The following PPP2R1B variants were observed in gnomAD, a reference collection of about 807,000 sequenced individuals.
PPP2R1B encodes protein phosphatase 2 scaffold subunit Abeta.
PPP2R1B carries 58 observed loss-of-function variants against 72.7 expected under a neutral mutation model. That is an observed-to-expected ratio of 0.80 (90% CI 0.65 to 0.99). PPP2R1B has a LOEUF of 0.99. Ranked by LOEUF, PPP2R1B falls within the 50% of genes least tolerant of loss-of-function variation. The pLI, the probability that PPP2R1B is intolerant of heterozygous loss-of-function variation, is 0.00. For synonymous variants in PPP2R1B, 256 were observed against 264.6 expected (o/e 0.97, Z 0.32); for missense variants, 695 against 733.6 (o/e 0.95, Z 0.61).
Position 111,739,453 on chromosome 11 carries a change from A to C in PPP2R1B, c.*2143T>G, listed in dbSNP as rs1944446676. On this transcript the variant is annotated 3_prime_UTR_variant, in exon 15 of 15. Coordinates refer to ENST00000527614, the MANE Select transcript of PPP2R1B (RefSeq NM_002716.5). ...AAACAAATTCTCTCTCTATTGCTTA[A>C]GTCAGAAGGAAACAATGAAACCCCT... 7 of 985,324 alleles carry C rather than the reference A, an allele frequency of 7.1e-6. No homozygotes were observed. Among genetic ancestry groups the C allele is most frequent in the Non-Finnish European group, 8.4e-6 (7 of 829,938 alleles). The allele number at this position is 985,324 out of a possible 1,614,324, so 61.0% of individuals were successfully genotyped here. A position where few individuals can be genotyped will look rare whatever the true frequency, so the allele number is the denominator to read the frequency against.
At chr11:111,715,241 A>G in the PPP2R1B span, among the ~76,000 whole-genome samples, 1 of 152,198 alleles carries the variant, frequency 6.6e-6, no homozygotes, top group African/African-American at 2.4e-5. Context: ...CGTTTTATTT[A>G]TGTCAGCAAA....
At position 111,752,306 on chromosome 11, in the gene PPP2R1B, G is replaced by A. The variant is rs1159739688; in HGVS notation, c.1191C>T (p.Ile397=). 1 of 1,612,754 alleles carries A rather than the reference G, an allele frequency of 6.2e-7. No individual in the cohort carries two copies. The highest frequency in any genetic ancestry group is 8.5e-7 in the Non-Finnish European group (1 of 1,179,556). ...CTTCATTTACACAATCCAAATTGGA[G>A]ATGATATTCAAACGAACGTCAGGAC... The part of the protein sequence containing the change: ...DECPDVRLNI[I]SNLDCVNEVI... Residue 397 remains isoleucine (I), a synonymous_variant, in exon 10 of 15, where the codon ATC becomes ATT. Transcript: ENST00000527614.
intron 15 of PPP2R1B, among the ~76,000 whole-genome samples, chr11:111,731,943 G>T (rs1187981927): frequency 6.6e-6 from 1 of 151,900 alleles, no homozygotes; most frequent in Non-Finnish European, 1.5e-5. Flanking sequence ...CAGGACGCAG[G>T]CAAAATAACA....
At chr11:111,712,189 T>A in the PPP2R1B span, 1 of 1,610,472 alleles carries the variant, frequency 6.2e-7, no homozygotes, top group African/African-American at 1.3e-5. Flanking sequence ...TCCCAAACTG[T>A]CTGTTCTTGC....
chr11:111,755,780 G>A (rs1410743354), intron 5 of PPP2R1B, among the ~76,000 whole-genome samples: 1 of 151,938 alleles, frequency 6.6e-6, no homozygotes, highest in Non-Finnish European at 1.5e-5. Flanking sequence ...AGTAGAGACA[G>A]AGTTTCACCA....
chr11:111,713,414 C>T, the PPP2R1B span, among the ~76,000 whole-genome samples: 1 of 152,284 alleles, frequency 6.6e-6, no homozygotes, highest in Admixed American at 6.5e-5. Context: ...CGTAACAAAA[C>T]TCTTTGAACC....
At position 111,755,444 on chromosome 11, in the gene PPP2R1B, C is replaced by A. The variant is rs116572596; in HGVS notation, c.694G>T (p.Val232Leu). 32 of 1,602,110 alleles carry A rather than the reference C, an allele frequency of 2.0e-5. No individual in the cohort carries two copies. The East Asian group carries it at 5.8e-4, about 29-fold the overall frequency. ...CAAGCTTCCACAGCAAGGAGGCGCACTGAATCCTAAAGGAACAAAATTTCT... is the reference window on the plus strand; with the variant it reads ...CAAGCTTCCACAGCAAGGAGGCGCAATGAATCCTAAAGGAACAAAATTTCT... ...TSLASDEQDS[V>L]RLLAVEACVS... The change falls in exon 6 of 15, where the codon GTG becomes TTG. Residue 232 changes from valine to leucine, a missense_variant. Physicochemically the swap from Val to Leu is conservative, Grantham distance 32 (BLOSUM62 1). Coordinates refer to ENST00000527614, the MANE Select transcript of PPP2R1B (RefSeq NM_002716.5).
intron 1 of PPP2R1B, 93 bp from the exon 2 acceptor site, chr11:111,765,477 CA>C (rs1230315708): frequency 4.0e-6 from 4 of 998,360 alleles, no homozygotes; most frequent in East Asian, 2.4e-5. Flanking sequence ...AATTATGACA[CA>C]GGGGTAAGAA....
In PPP2R1B at chr11:111,764,806, A is replaced by G; in HGVS notation, c.305T>C (p.Leu102Pro). 6.2e-7 allele frequency: 1 copy of G among 1,614,014 alleles called. No homozygotes were observed. The highest frequency in any genetic ancestry group is 8.5e-7 in the Non-Finnish European group (1 of 1,179,996). ...GGTAGGCAGCTTATAAATACTCACC[A>G]GCAGACAGTGGGCAAAGTCAGGACC... ...VGGPDFAHCL[L>P]PPLENLATVE... Residue 102 changes from leucine to proline, a missense_variant and splice_region_variant, in exon 3 of 15, where the codon CTG becomes CCG. Transcript: ENST00000527614.
chr11:111,722,342 A>G (rs1943827130), downstream of PPP2R1B, among the ~76,000 whole-genome samples: 1 of 152,270 alleles, frequency 6.6e-6, no homozygotes, highest in African/African-American at 2.4e-5. The surrounding 1 kb of genome is among the most constrained non-coding windows in gnomAD (Gnocchi z 4.4). Context: ...TAAAGGATGA[A>G]TCATTCATTC....
chr11:111,753,148 A>C (rs1591696639), intron 9 of PPP2R1B, among the ~76,000 whole-genome samples: 2 of 152,336 alleles, frequency 1.3e-5, no homozygotes, highest in East Asian at 3.9e-4. Context: ...AACTTAAATA[A>C]ATGAAACTTT....
At chr11:111,730,681 AAAATC>A (rs1944161266) in intron 15 of PPP2R1B, 1 of 152,202 alleles carries the variant, frequency 6.6e-6, no homozygotes, top group Non-Finnish European at 1.5e-5. Context: ...TGTGAAAAAA[AAAATC>A]AAAAGTATAA....
chr11:111,743,322 G>T, intron 12 of PPP2R1B, 54 bp downstream of exon 12: 1 of 1,487,492 alleles, frequency 6.7e-7, no homozygotes, highest in African/African-American at 1.4e-5. Flanking sequence ...AAATAGTCAT[G>T]AATAATTTTG....
chr11:111,724,264 C>CA (rs970551774), downstream of PPP2R1B: 122 of 1,281,868 alleles, frequency 9.5e-5, no homozygotes, highest in Non-Finnish European at 1.2e-4. Context: ...CAACTGGAAT[C>CA]AGAGGGTCTG....
At chr11:111,716,887 A>C in the PPP2R1B span, among the ~76,000 whole-genome samples, 8 of 152,346 alleles carry the variant, frequency 5.3e-5, no homozygotes, top group African/African-American at 1.9e-4. Flanking sequence ...TATCCATCTG[A>C]CAAAGGTCTA....
the PPP2R1B span, among the ~76,000 whole-genome samples, chr11:111,709,052 C>T: frequency 2.6e-5 from 4 of 152,152 alleles, no homozygotes; most frequent in Non-Finnish European, 4.4e-5. Context: ...CTAGGGCTGC[C>T]GTAACGAAAT....
downstream of PPP2R1B, chr11:111,723,790 G>A: frequency 1.2e-6 from 2 of 1,613,746 alleles, no homozygotes; most frequent in South Asian, 2.2e-5. Context: ...CTCCTCCTCT[G>A]CCCACGCAGC....
intron 11 of PPP2R1B, among the ~76,000 whole-genome samples, 193 bp from the exon 12 acceptor site, chr11:111,743,723 G>C (rs1405312793): frequency 1.3e-5 from 2 of 152,156 alleles, no homozygotes; most frequent in African/African-American, 4.8e-5. Flanking sequence ...CCACAGAAAA[G>C]GGATGCAAGG....
At chr11:111,704,191 T>A in the PPP2R1B span, among the ~76,000 whole-genome samples, 1 of 152,196 alleles carries the variant, frequency 6.6e-6, no homozygotes, top group Non-Finnish European at 1.5e-5. Context: ...AGTGATGTTT[T>A]TCTGTACTTG....
Sources: allele counts gnomAD v4.1 joint callset (sites outside exome capture counted in the v4.1 genomes callset), GRCh38; gene constraint gnomAD v4.1.1; non-coding constraint Gnocchi (gnomAD v3.1); transcripts MANE v1.5; gene names NCBI Gene and HGNC (gene_info 2026-07-23, HGNC 2026-07-21).